The following TAFA1 variants were observed in gnomAD, a reference collection of about 807,000 sequenced individuals.
The protein encoded by TAFA1 is chemokine-like protein TAFA-1.
TAFA1 carries 4 observed loss-of-function variants against 18.5 expected under a neutral mutation model. The ratio of observed to expected loss-of-function variants is 0.22; its 90% CI spans 0.11 to 0.49. The LOEUF (loss-of-function observed/expected upper bound fraction) is 0.49, where lower values mean the gene tolerates loss of function less well. Among genes scored for constraint, TAFA1 ranks in the 20% least tolerant of loss-of-function variants. TAFA1 has a pLI of 0.98. For synonymous variants in TAFA1, 56 were observed against 55.2 expected (o/e 1.01, Z -0.06); for missense variants, 147 against 169.0 (o/e 0.87, Z 0.72).
intron 3 of TAFA1, among the ~76,000 whole-genome samples, chr3:68,484,272 G>A (rs1559688544): frequency 6.6e-6 from 1 of 152,154 alleles, no homozygotes; most frequent in Non-Finnish European, 1.5e-5. Flanking sequence ...AAGGCACTCT[G>A]CCTAGTGGTT....
intron 2 of TAFA1, among the ~76,000 whole-genome samples, chr3:68,250,276 T>G (rs988760793): frequency 6.6e-6 from 1 of 152,176 alleles, no homozygotes; most frequent in Non-Finnish European, 1.5e-5. Context: ...ATGGCTGTTA[T>G]TACTGTTTAC....
At chr3:68,113,364 T>C (rs1038024547) in intron 2 of TAFA1, among the ~76,000 whole-genome samples, 2 of 152,126 alleles carry the variant, frequency 1.3e-5, no homozygotes. Context: ...GAAATCCATA[T>C]GGAAAAAGCA....
At chr3:68,185,053 C>A (rs2066253100) in intron 2 of TAFA1, among the ~76,000 whole-genome samples, 1 of 152,108 alleles carries the variant, frequency 6.6e-6, no homozygotes, top group Non-Finnish European at 1.5e-5. Flanking sequence ...AGACAATTGT[C>A]TAAAAGCCTC....
At chr3:68,381,217 T>G (rs1404470635) in intron 2 of TAFA1, among the ~76,000 whole-genome samples, 1 of 151,350 alleles carries the variant, frequency 6.6e-6, no homozygotes, top group Non-Finnish European at 1.5e-5. Context: ...GCCTCCAGCT[T>G]TGTTCTTTTG....
chr3:68,312,373 AC>A (rs2068535393), intron 2 of TAFA1, among the ~76,000 whole-genome samples: 1 of 152,150 alleles, frequency 6.6e-6, no homozygotes, highest in South Asian at 2.1e-4. Context: ...AATTTTCTGA[AC>A]TTTTATGCTT....
Position 68,006,616 on chromosome 3 carries a change from CTCT to C in TAFA1, c.-3-6_-3-4del. ...GAGGTAACCTTTCCTGTCGAATGTT[CTCT>C]TTAGAGAATGGCAATGGTCTCTGCG... On this transcript the variant is annotated splice_region_variant and splice_polypyrimidine_tract_variant and intron_variant, in intron 1 of 4. Transcript: ENST00000478136. The C allele has an allele frequency of 1.2e-6, 2 of 1,600,724 alleles. No homozygotes were observed. The highest frequency in any genetic ancestry group is 1.7e-6 in the Non-Finnish European group (2 of 1,167,832).
At chr3:68,541,012 C>T (rs1174885768) in intron 4 of TAFA1, among the ~76,000 whole-genome samples, 3 of 152,128 alleles carry the variant, frequency 2.0e-5, no homozygotes, top group South Asian at 2.1e-4. Flanking sequence ...TCAACTCAAG[C>T]AGTTGAATGG....
intron 2 of TAFA1, among the ~76,000 whole-genome samples, chr3:68,286,582 G>T (rs1163438671): frequency 1.3e-5 from 2 of 151,830 alleles, no homozygotes; most frequent in African/African-American, 4.8e-5. Context: ...ATTGAGAGGA[G>T]GAAAAACACC....
intron 2 of TAFA1, among the ~76,000 whole-genome samples, chr3:68,312,724 C>G (rs1218262132): frequency 6.6e-6 from 1 of 152,192 alleles, no homozygotes; most frequent in Non-Finnish European, 1.5e-5. Context: ...ATTCTGAAAC[C>G]TCTAAACTGT....
intron 3 of TAFA1, among the ~76,000 whole-genome samples, chr3:68,466,802 A>G (rs779576667): frequency 4.6e-5 from 7 of 152,064 alleles, no homozygotes; most frequent in Non-Finnish European, 8.8e-5. Flanking sequence ...GTTCTTTTCT[A>G]TTTTCCCTAA....
At chr3:68,539,827 A>G (rs184385639) in intron 4 of TAFA1, among the ~76,000 whole-genome samples, 5 of 151,916 alleles carry the variant, frequency 3.3e-5, no homozygotes, top group Admixed American at 1.3e-4. Flanking sequence ...TGGTGTGATT[A>G]TAGCCCACTG....
intron 3 of TAFA1, among the ~76,000 whole-genome samples, chr3:68,440,783 T>G (rs768355244): frequency 3.9e-5 from 6 of 152,114 alleles, no homozygotes; most frequent in Middle Eastern, 3.2e-3. Context: ...TTACCTCCAT[T>G]GTGGAATAGT....
intron 2 of TAFA1, among the ~76,000 whole-genome samples, chr3:68,295,714 C>G (rs2068195916): frequency 6.6e-6 from 1 of 152,166 alleles, no homozygotes; most frequent in Non-Finnish European, 1.5e-5. Flanking sequence ...ACAAACAATC[C>G]TTCTGCCTAA....
chr3:68,417,237 G>C (rs772258721), intron 2 of TAFA1, 43 bp from the exon 3 acceptor site: 1 of 1,595,970 alleles, frequency 6.3e-7, no homozygotes, highest in Non-Finnish European at 8.6e-7. Flanking sequence ...AATAGTCACT[G>C]AGTTATTTCT....
chr3:68,121,117 C>T (rs2065392845), intron 2 of TAFA1, among the ~76,000 whole-genome samples: 1 of 151,960 alleles, frequency 6.6e-6, no homozygotes, highest in South Asian at 2.1e-4. Flanking sequence ...TAGATTTCTC[C>T]AAGGAAAAGT....
chr3:68,410,785 A>ATAGATCATCT (rs1379292881), intron 2 of TAFA1, among the ~76,000 whole-genome samples: 1 of 151,318 alleles, frequency 6.6e-6, no homozygotes, highest in Non-Finnish European at 1.5e-5. Flanking sequence ...TTGAGAAACC[A>ATAGATCATCT]TAGATCATCT....
intron 2 of TAFA1, among the ~76,000 whole-genome samples, chr3:68,134,838 T>C (rs948521107): frequency 3.3e-5 from 5 of 152,228 alleles, no homozygotes; most frequent in African/African-American, 1.2e-4. Flanking sequence ...TTCTTTCTTA[T>C]TCAAACAATA....
intron 2 of TAFA1, among the ~76,000 whole-genome samples, chr3:68,207,919 A>T (rs1234567060): frequency 1.3e-5 from 2 of 151,948 alleles, no homozygotes; most frequent in Non-Finnish European, 2.9e-5. Flanking sequence ...ATTAATCACC[A>T]GTCTCATTCT....
chr3:68,542,606 G>C (rs1449868863), intron 4 of TAFA1, among the ~76,000 whole-genome samples: 2 of 152,074 alleles, frequency 1.3e-5, no homozygotes, highest in African/African-American at 4.8e-5. Context: ...ACTCAATTTA[G>C]AAAGTTTATT....
Sources: gnomAD v4.1 joint callset for allele counts (sites outside exome capture counted in the v4.1 genomes callset) on GRCh38, gnomAD v4.1.1 for gene constraint, MANE v1.5 for transcripts, NCBI Gene and HGNC (gene_info 2026-07-23, HGNC 2026-07-21) for gene names.